The following CYB561 variants were observed in gnomAD, a reference collection of about 807,000 sequenced individuals.
The protein encoded by CYB561 is transmembrane ascorbate-dependent reductase CYB561.
A neutral mutation model predicts 25.3 loss-of-function variants in CYB561; 11 were observed. That is an observed-to-expected ratio of 0.44 (90% CI 0.27 to 0.72). The LOEUF is 0.72. Ranked by LOEUF, CYB561 falls within the 30% of genes least tolerant of loss-of-function variation. The pLI is 0.18. For synonymous variants in CYB561, 165 were observed against 158.8 expected, an observed-to-expected ratio of 1.04 and a Z score of -0.29; for missense variants, 295 against 334.9, an observed-to-expected ratio of 0.88 and a Z score of 0.93.
intron 1 of CYB561, among the ~76,000 whole-genome samples, chr17:63,439,592 G>T (rs866627867): frequency 6.6e-6 from 1 of 151,724 alleles, no homozygotes; most frequent in African/African-American, 2.4e-5. Context: ...TAATCCACAC[G>T]CACTGCAGTA....
In CYB561 at chr17:63,435,676, G is replaced by A. The variant is rs887087070; in HGVS notation, c.405+12C>T. 1 of 1,611,596 alleles carries A rather than the reference G, an allele frequency of 6.2e-7. No individual in the cohort carries two copies. Among genetic ancestry groups the A allele is most frequent in the Non-Finnish European group, 8.5e-7 (1 of 1,177,648 alleles). On this transcript the variant is annotated intron_variant, in intron 4 of 5. Transcript: ENST00000360793. ...TAGGTGGCCCCAGGCCCGGGGTGTT[G>A]GAAGGACTCACCTGCACAAAGTACA...
At chr17:63,445,682 C>A (rs1259194143) in intron 1 of CYB561, among the ~76,000 whole-genome samples, 1 of 152,170 alleles carries the variant, frequency 6.6e-6, no homozygotes, top group African/African-American at 2.4e-5. Flanking sequence ...GCCTGACCCA[C>A]CACAGGGCCA....
chr17:63,435,323 G>A (rs920607120), intron 4 of CYB561, 80 bp from the exon 5 acceptor site: 14 of 1,491,792 alleles, frequency 9.4e-6, no homozygotes, highest in African/African-American at 7.0e-5. Flanking sequence ...CCACACCCAC[G>A]TGCCCACGTG....
rs781181479 is a variant in CYB561 at position 63,435,165 on chromosome 17, A to C, written c.484T>G (p.Phe162Val). The stretch of plus-strand genomic sequence containing the variant: ...AGGAGGAAGATGGTAGCACCAAAGA[A>C]GATGTGCTGTGGGCGGTAGCGGCTC... ...LRSRYRPQHI[F>V]FGATIFLLSV... is the part of the protein sequence containing the mutation. Residue 162 changes from phenylalanine to valine, a missense_variant, in exon 5 of 6, where the codon TTC (phenylalanine) becomes GTC (valine). Phe to Val is a conservative substitution (Grantham distance 50, BLOSUM62 -1). Transcript: ENST00000360793. 4 of 1,614,232 alleles carry C rather than the reference A, an allele frequency of 2.5e-6. No individual in the cohort carries two copies. The highest frequency in any genetic ancestry group is 1.3e-5 in the African/African-American group (1 of 75,080).
chr17:63,439,591 C>T (rs568098797), intron 1 of CYB561, among the ~76,000 whole-genome samples: 18 of 151,994 alleles, frequency 1.2e-4, no homozygotes, highest in Non-Finnish European at 2.5e-4. Flanking sequence ...ATAATCCACA[C>T]GCACTGCAGT....
rs2049257484 is a variant in CYB561 at position 63,433,515 on chromosome 17, GGT to G, written c.*885_*886del. On this transcript the variant is annotated 3_prime_UTR_variant, in exon 6 of 6. Coordinates refer to ENST00000360793, the MANE Select transcript of CYB561 (RefSeq NM_001915.4). ...GGCTCTAGCCACAGCCAGCAGCAGC[GGT>G]TTTTCATTTAAAAAATTATAAGGTT... The G allele has an allele frequency of 2.5e-6, 1 of 396,882 alleles. No individual in the cohort carries two copies. Among genetic ancestry groups the G allele is most frequent in the East Asian group, 3.6e-5 (1 of 27,998 alleles). 24.6% of individuals were successfully genotyped at this position (396,882 alleles called of 1,614,324 possible).
chr17:63,436,292 A>G lies in CYB561; in HGVS notation c.203-140T>C, dbSNP rs1395388221. 1.8e-6 allele frequency: 2 copies of G among 1,141,038 alleles called. No homozygotes were observed. The highest frequency in any genetic ancestry group is 2.4e-6 in the Non-Finnish European group (2 of 816,612). 70.7% of individuals were successfully genotyped at this position (1,141,038 alleles called of 1,614,324 possible). ...GGAGCCTAGCTGCAGGAACCGGAGG[A>G]GAAAGCCAGGTTCCCTGGGGACCCT... is the stretch of plus-strand genomic sequence containing the variant. On this transcript the variant is annotated intron_variant, in intron 2 of 5. Transcript: ENST00000360793. This position sits in a 1 kb window ranked among gnomAD's most constrained non-coding sequence, Gnocchi z 4.8.
chr17:63,438,894 G>A (rs959303215), intron 1 of CYB561, among the ~76,000 whole-genome samples: 12 of 152,346 alleles, frequency 7.9e-5, no homozygotes, highest in Non-Finnish European at 1.6e-4. Context: ...ACCCGGCAGC[G>A]GCCTGTGCGC....
At chr17:63,438,456 C>G (rs946626916) in intron 1 of CYB561, 2 of 498,718 alleles carry the variant, frequency 4.0e-6, no homozygotes, top group African/African-American at 4.0e-5. Context: ...TCCCCCCACG[C>G]CCCCGCCCGC....
rs200701370 is a variant in CYB561, at chr17:63,435,236, A to G, written c.413T>C (p.Val138Ala). 1 of 1,591,128 alleles carries G rather than the reference A, an allele frequency of 6.3e-7. No individual in the cohort carries two copies. The highest frequency in any genetic ancestry group is 8.5e-7 in the Non-Finnish European group (1 of 1,170,134). The change falls in exon 5 of 6, where the codon GTG becomes GCG. Residue 138 changes from valine (V) to alanine (A), a missense_variant. Val to Ala is a moderately conservative substitution (Grantham distance 64, BLOSUM62 0). Coordinates refer to ENST00000360793, the MANE Select transcript of CYB561 (RefSeq NM_001915.4). ...GGGGAACAGGAAGAAGCTGAAGCCC[A>G]CCAGCCACTAGGATTTGAAAGGAGA... ...VFVLYFVQWL[V>A]GFSFFLFPGA... is the part of the protein sequence containing the mutation.
rs184285958 is a variant in CYB561 at position 63,434,430 on chromosome 17, G to A, written c.728C>T (p.Thr243Met). The change falls in exon 6 of 6, where the codon ACG (threonine) becomes ATG (methionine). Residue 243 changes from threonine (T) to methionine (M), a missense_variant. Coordinates refer to ENST00000360793, the MANE Select transcript of CYB561 (RefSeq NM_001915.4). ...CTGGGAGCCGGGGCTATCTCCCTCC[G>A]TCAGCGTCTTGAAGTCCATGGAGAG... is the stretch of plus-strand genomic sequence containing the variant. ...QALSMDFKTL[T>M]EGDSPGSQ 2.7e-5 allele frequency: 43 copies of A among 1,587,248 alleles called. No homozygotes were observed. In the East Asian group the frequency reaches 3.2e-4, roughly 12 times the overall value.
Position 63,433,341 on chromosome 17 carries a change from A to G in CYB561, c.*1061T>C. The G allele has an allele frequency of 2.5e-6, 1 of 398,074 alleles. No homozygotes were observed. Among genetic ancestry groups the G allele is most frequent in the Admixed American group, 4.4e-5 (1 of 22,670 alleles). The allele number at this position is 398,074 out of a possible 1,614,324, so 24.7% of individuals were successfully genotyped here. A position where few individuals can be genotyped will look rare whatever the true frequency, so the allele number is the denominator to read the frequency against. The stretch of plus-strand genomic sequence containing the variant: ...CAAATGGTGACTCAGCTAACATGAC[A>G]CTCTTTATGGGGCTGGAGTGATGTG... On this transcript the variant is annotated 3_prime_UTR_variant, in exon 6 of 6. Coordinates refer to ENST00000360793, the MANE Select transcript of CYB561 (RefSeq NM_001915.4).
At chr17:63,442,921 C>T (rs1448301505) in intron 1 of CYB561, 2 of 152,292 alleles carry the variant, frequency 1.3e-5, no homozygotes, top group African/African-American at 4.8e-5. Flanking sequence ...GGGGACCAGA[C>T]ACTGCACATG....
chr17:63,437,278 A>G (rs1599117565), intron 2 of CYB561, 68 bp downstream of exon 2: 1 of 1,236,740 alleles, frequency 8.1e-7, no homozygotes, highest in Middle Eastern at 1.9e-4. Context: ...GGGTGACAAG[A>G]CCCCTGCAAA....
chr17:63,438,902 C>A (rs2049346466), intron 1 of CYB561, among the ~76,000 whole-genome samples: 1 of 152,210 alleles, frequency 6.6e-6, no homozygotes, highest in Admixed American at 6.5e-5. Flanking sequence ...GCGGCCTGTG[C>A]GCCACGGAAA....
At chr17:63,440,489 C>G (rs1238540474) in intron 1 of CYB561, among the ~76,000 whole-genome samples, 2 of 152,208 alleles carry the variant, frequency 1.3e-5, no homozygotes, top group African/African-American at 2.4e-5. Context: ...ATGCTGTCCC[C>G]TGCGTAAGTG....
At position 63,436,723 on chromosome 17, in the gene CYB561, C is replaced by G. The variant is rs2049304900; in HGVS notation, c.203-571G>C. 1 of 161,470 alleles carries G rather than the reference C, an allele frequency of 6.2e-6. No individual in the cohort carries two copies. The highest frequency in any genetic ancestry group is 1.4e-5 in the Non-Finnish European group (1 of 73,000). The allele number at this position is 161,470 out of a possible 1,614,324, so 10.0% of individuals were successfully genotyped here. On this transcript the variant is annotated intron_variant, in intron 2 of 5. Transcript: ENST00000360793. This position sits in a 1 kb window ranked among gnomAD's most constrained non-coding sequence, Gnocchi z 4.8. ...GGCTCCCAAGCAGAACCTTGTGATC[C>G]CAGCCTGATCTCCCGCGTCCAGAAG...
intron 4 of CYB561, 83 bp downstream of exon 4, chr17:63,435,605 T>A: frequency 9.2e-7 from 1 of 1,088,634 alleles, no homozygotes; most frequent in Non-Finnish European, 1.4e-6. Context: ...GGCCCTTCCA[T>A]GAGGTACATT....
chr17:63,444,760 G>A (rs182116808), intron 1 of CYB561, among the ~76,000 whole-genome samples: 49 of 152,332 alleles, frequency 3.2e-4, no homozygotes, highest in Middle Eastern at 3.4e-3. Context: ...GTGAAGCTAC[G>A]CTTTCAGAGG....
Sources: gnomAD v4.1 joint callset for allele counts (sites outside exome capture counted in the v4.1 genomes callset) on GRCh38, gnomAD v4.1.1 for gene constraint, Gnocchi (gnomAD v3.1) non-coding constraint, MANE v1.5 for transcripts, NCBI Gene and HGNC (gene_info 2026-07-23, HGNC 2026-07-21) for gene names.